Variants in CHCHD1 observed in about 807,000 individuals in gnomAD.
CHCHD1 encodes small ribosomal subunit protein mS37.
CHCHD1 carries 12 observed loss-of-function variants against 12.7 expected under a neutral mutation model. The ratio of observed to expected loss-of-function variants is 0.95; its 90% CI spans 0.61 to 1.53. The LOEUF is 1.53. Ranked by LOEUF, CHCHD1 falls within the 40% of genes most tolerant of loss-of-function variation. The pLI is 0.00. For synonymous variants in CHCHD1, 57 were observed against 62.4 expected (o/e 0.91, Z 0.41); for missense variants, 151 against 155.8 (o/e 0.97, Z 0.17).
chr10:73,782,652 G>C, intron 2 of CHCHD1: 2 of 1,297,468 alleles, frequency 1.5e-6, no homozygotes, highest in Non-Finnish European at 2.0e-6. Flanking sequence ...TACGTAAAAT[G>C]AGGCTAACCA....
At chr10:73,782,894 A>T in intron 2 of CHCHD1, 180 bp from the exon 3 acceptor site, 1 of 615,948 alleles carries the variant, frequency 1.6e-6, no homozygotes, top group Non-Finnish European at 2.8e-6. Context: ...TGTTGAAAAG[A>T]GGCTGACATA....
chr10:73,782,901 CAT>C (rs1320621719), intron 2 of CHCHD1, 171 bp from the exon 3 acceptor site: 1 of 633,916 alleles, frequency 1.6e-6, no homozygotes, highest in Admixed American at 3.1e-5. Context: ...AAGAGGCTGA[CAT>C]AGATCTCTCC....
chr10:73,782,302 C>A (rs1259345719), intron 1 of CHCHD1, 21 bp from the exon 2 acceptor site: 3 of 1,610,938 alleles, frequency 1.9e-6, no homozygotes, highest in Non-Finnish European at 2.5e-6. Flanking sequence ...GACTGAAGGT[C>A]CCCCGGATCT....
At chr10:73,782,828 T>C (rs4745722) in intron 2 of CHCHD1, 562,203 of 562,566 alleles carry the variant, frequency 1, 280,927 homozygotes, top group Middle Eastern at 1. Flanking sequence ...GGCTTAATTG[T>C]TAGCTGAGAT....
In CHCHD1 at chr10:73,782,317, C is replaced by T. The variant is rs757341522; in HGVS notation, c.125-6C>T. 7 of 1,613,414 alleles carry T rather than the reference C, an allele frequency of 4.3e-6. No homozygotes were observed. The highest frequency in any genetic ancestry group is 4.0e-5 in the African/African-American group (3 of 74,926). On this transcript the variant is annotated splice_region_variant and splice_polypyrimidine_tract_variant and intron_variant, in intron 1 of 2. Transcript: ENST00000372833. Reference sequence around the variant, plus strand: ...GACTGAAGGTCCCCCGGATCTGCCCCTCCAGAGGCGACTTGCATCACGGAG... The same window carrying T: ...GACTGAAGGTCCCCCGGATCTGCCCTTCCAGAGGCGACTTGCATCACGGAG...
Position 73,783,255 on chromosome 10 carries a change from A to C in CHCHD1, c.*68A>C. On this transcript the variant is annotated 3_prime_UTR_variant, in exon 3 of 3. Coordinates refer to ENST00000372833, the MANE Select transcript of CHCHD1 (RefSeq NM_203298.3). ...AACTATGCAGAGGCATTTTAGAGACATTGGCATTGCCATGCCCTCTTTGGA... is the reference window on the plus strand; with the variant it reads ...AACTATGCAGAGGCATTTTAGAGACCTTGGCATTGCCATGCCCTCTTTGGA... The C allele has an allele frequency of 8.3e-7, 1 of 1,201,556 alleles. No homozygotes were observed. Among genetic ancestry groups the C allele is most frequent in the South Asian group, 1.3e-5 (1 of 78,200 alleles). 74.4% of individuals were successfully genotyped at this position (1,201,556 alleles called of 1,614,324 possible). A position where few individuals can be genotyped will look rare whatever the true frequency, so the allele number is the denominator to read the frequency against.
intron 1 of CHCHD1, 49 bp from the exon 2 acceptor site, chr10:73,782,274 G>A (rs2083106020): frequency 6.2e-7 from 1 of 1,609,032 alleles, no homozygotes; most frequent in South Asian, 1.1e-5. Flanking sequence ...AGGAGGGCAG[G>A]AAGGTGGGTC....
intron 2 of CHCHD1, 41 bp downstream of exon 2, chr10:73,782,482 G>A (rs937854717): frequency 1.9e-6 from 3 of 1,612,610 alleles, no homozygotes; most frequent in Non-Finnish European, 1.7e-6. Context: ...GGAAAAGAAT[G>A]GGGGAGATAG....
chr10:73,783,286 G>T lies in CHCHD1; in HGVS notation c.*99G>T. 1.2e-6 allele frequency: 1 copy of T among 822,184 alleles called. No homozygotes were observed. The allele number at this position is 822,184 out of a possible 1,614,324, so 50.9% of individuals were successfully genotyped here. A position where few individuals can be genotyped will look rare whatever the true frequency, so the allele number is the denominator to read the frequency against. ...ATTGCCATGCCCTCTTTGGAGGGTA[G>T]AAGAGGCAAAACACTTTTTTCACCC... On this transcript the variant is annotated 3_prime_UTR_variant, in exon 3 of 3. Transcript: ENST00000372833.
Position 73,783,579 on chromosome 10 carries a change from T to G in CHCHD1, c.*392T>G, listed in dbSNP as rs117295119. On this transcript the variant is annotated 3_prime_UTR_variant, in exon 3 of 3. Transcript: ENST00000372833. ...GAAGTTGCCTTCGTCTGTAAATACT[T>G]AGTGATTGCCTATTTTGTGCGTAGT... 357 of 161,702 alleles carry G rather than the reference T, an allele frequency of 2.2e-3. 4 individuals are homozygous for G. In the East Asian group the frequency reaches 0.047, roughly 21 times the overall value. The allele number at this position is 161,702 out of a possible 1,614,324, so 10.0% of individuals were successfully genotyped here. A position where few individuals can be genotyped will look rare whatever the true frequency, so the allele number is the denominator to read the frequency against.
intron 2 of CHCHD1, 35 bp downstream of exon 2, chr10:73,782,476 A>G (rs1452186664): frequency 1.2e-6 from 2 of 1,613,450 alleles, no homozygotes; most frequent in African/African-American, 1.3e-5. Flanking sequence ...TTCTCAGGAA[A>G]AGAATGGGGG....
intron 2 of CHCHD1, 71 bp downstream of exon 2, chr10:73,782,512 C>T (rs777340371): frequency 6.2e-7 from 1 of 1,600,282 alleles, no homozygotes; most frequent in East Asian, 2.2e-5. Flanking sequence ...TTCTCCCTGC[C>T]TTTTGCTAGG....
chr10:73,782,751 A>G (rs2083109045), intron 2 of CHCHD1: 1 of 627,416 alleles, frequency 1.6e-6, no homozygotes, highest in Non-Finnish European at 2.5e-6. Context: ...TCAAGTAGAC[A>G]TTATTGTGTG....
At position 73,782,065 on chromosome 10, in the gene CHCHD1, C is replaced by T; in HGVS notation, c.-11C>T. Reference sequence around the variant, plus strand: ...ACGGAACCGCAAAGCCTGCCGGGAGCTTGGTGCGCTATGGCGACACCCAGC... The same window carrying T: ...ACGGAACCGCAAAGCCTGCCGGGAGTTTGGTGCGCTATGGCGACACCCAGC... On this transcript the variant is annotated 5_prime_UTR_variant, in exon 1 of 3. Transcript: ENST00000372833. 3 of 1,612,638 alleles carry T rather than the reference C, an allele frequency of 1.9e-6. No homozygotes were observed. The highest frequency in any genetic ancestry group is 1.1e-5 in the South Asian group (1 of 91,030).
At chr10:73,782,561 G>A (rs1031856154) in intron 2 of CHCHD1, 120 bp downstream of exon 2, 3 of 1,529,038 alleles carry the variant, frequency 2.0e-6, no homozygotes, top group Non-Finnish European at 2.6e-6. Flanking sequence ...TATTATTCAC[G>A]CCAAAGTGGG....
chr10:73,783,116 T>G lies in CHCHD1; in HGVS notation c.286T>G (p.Ser96Ala), dbSNP rs1188970566. ...MRSIQETLGESGSLLPNKLNK... is the reference protein window; with the variant it reads ...MRSIQETLGEAGSLLPNKLNK... ...ATCAATACAGGAAACCCTGGGAGAG[T>G]CTGGGAGTTTACTTCCAAATAAATT... The change falls in exon 3 of 3, where the codon TCT (serine) becomes GCT (alanine). Residue 96 changes from serine to alanine, a missense_variant. Coordinates refer to ENST00000372833, the MANE Select transcript of CHCHD1 (RefSeq NM_203298.3). 1.2e-6 allele frequency: 2 copies of G among 1,613,864 alleles called. No homozygotes were observed. Among genetic ancestry groups the G allele is most frequent in the Admixed American group, 3.3e-5 (2 of 60,006 alleles).
chr10:73,782,892 A>C, intron 2 of CHCHD1, 182 bp from the exon 3 acceptor site: 1 of 614,886 alleles, frequency 1.6e-6, no homozygotes. Flanking sequence ...TTTGTTGAAA[A>C]GAGGCTGACA....
chr10:73,783,434 A>G lies in CHCHD1; in HGVS notation c.*247A>G. On this transcript the variant is annotated 3_prime_UTR_variant, in exon 3 of 3. Coordinates refer to ENST00000372833, the MANE Select transcript of CHCHD1 (RefSeq NM_203298.3). ...TTCTTGAGCCTCCCCTAGACCCTGGAAATTCTTTCCTTCCTGATTTGCCCT... is the reference window on the plus strand; with the variant it reads ...TTCTTGAGCCTCCCCTAGACCCTGGGAATTCTTTCCTTCCTGATTTGCCCT... The G allele has an allele frequency of 7.7e-6, 3 of 390,654 alleles. No individual in the cohort carries two copies. The highest frequency in any genetic ancestry group is 1.4e-5 in the Non-Finnish European group (3 of 216,744). 24.2% of individuals were successfully genotyped at this position (390,654 alleles called of 1,614,324 possible).
At chr10:73,782,230 G>A (rs747359250) in intron 1 of CHCHD1, 31 bp downstream of exon 1, 7 of 1,612,692 alleles carry the variant, frequency 4.3e-6, no homozygotes, top group Non-Finnish European at 5.1e-6. Context: ...CGGCCCCGGA[G>A]CGGAAGCCGG....
Sources: allele counts gnomAD v4.1 joint callset, GRCh38; gene constraint gnomAD v4.1.1; transcripts MANE v1.5; gene names NCBI Gene and HGNC (gene_info 2026-07-23, HGNC 2026-07-21).